SH2D4A: variants seen among roughly 807,000 people sequenced by gnomAD.
The protein encoded by SH2D4A is SH2 domain containing 4A, also known as SH2 domain-containing protein 4A.
A neutral mutation model predicts 64.7 loss-of-function variants in SH2D4A; 70 were observed. The ratio of observed to expected loss-of-function variants is 1.08; its 90% CI spans 0.89 to 1.32. The LOEUF is 1.32. Ranked by LOEUF, SH2D4A falls within the 40% of genes most tolerant of loss-of-function variation. SH2D4A has a pLI of 0.00. For missense variants in SH2D4A, 706 were observed against 540.1 expected (o/e 1.31, Z -3.04); for synonymous variants, 268 against 200.7 (o/e 1.34, Z -2.83).
chr8:19,388,990 A>G (rs1330904413), intron 8 of SH2D4A, among the ~76,000 whole-genome samples: 2 of 152,162 alleles, frequency 1.3e-5, no homozygotes, highest in Non-Finnish European at 2.9e-5. Flanking sequence ...AGATGGAGGT[A>G]AGTACAGGTG....
intron 3 of SH2D4A, among the ~76,000 whole-genome samples, chr8:19,333,453 G>A (rs754050051): frequency 3.9e-5 from 6 of 152,106 alleles, no homozygotes; most frequent in Admixed American, 1.3e-4. Flanking sequence ...GTGATCACCC[G>A]TGGCTGCACT....
chr8:19,364,181 G>A lies in SH2D4A; in HGVS notation c.816G>A (p.Arg272=). 1 of 1,614,170 alleles carries A rather than the reference G, an allele frequency of 6.2e-7. No homozygotes were observed. Among genetic ancestry groups the A allele is most frequent in the Non-Finnish European group, 8.5e-7 (1 of 1,180,008 alleles). Residue 272 remains arginine (R), a synonymous_variant, in exon 7 of 10, where the codon AGG becomes AGA. Coordinates refer to ENST00000265807, the MANE Select transcript of SH2D4A (RefSeq NM_022071.4). ...CCCAGAAAGGAAGAGGCGGTGAGAG[G>A]CTGCAAAGCCCCTTGCGTGTTCCGC... ...LGAQKGRGGE[R]LQSPLRVPQK... is the part of the protein sequence containing the mutation.
At position 19,318,278 on chromosome 8, in the gene SH2D4A, C is replaced by T. The variant is rs895588253; in HGVS notation, c.-204-1066C>T. ...TTTTTTTTCTTATATCTTATTACAT[C>T]GAATCCAAAGTCTTTTGTTTTCCAG... On this transcript the variant is annotated intron_variant, in intron 1 of 9. Transcript: ENST00000265807. Among the ~76,000 whole-genome samples the T allele has an allele frequency of 5.9e-5, 9 of 152,104 alleles. No individual in the cohort carries two copies. The South Asian group carries it at 1.2e-3, about 21-fold the overall frequency.
intron 8 of SH2D4A, among the ~76,000 whole-genome samples, chr8:19,376,325 T>G (rs2053194818): frequency 6.6e-6 from 1 of 152,038 alleles, no homozygotes; most frequent in Non-Finnish European, 1.5e-5. Flanking sequence ...GTCCTCCCAT[T>G]TAAATCTCAT....
rs79743106 is a variant in SH2D4A at position 19,380,828 on chromosome 8, C to G, written c.1048+7168C>G. ...GTGTGACGTCTTCCTGTTTTTTCTTCTTTTTCGGGAGTGTTTTGATTATTT... is the reference window on the plus strand; with the variant it reads ...GTGTGACGTCTTCCTGTTTTTTCTTGTTTTTCGGGAGTGTTTTGATTATTT... On this transcript the variant is annotated intron_variant, in intron 8 of 9. Coordinates refer to ENST00000265807, the MANE Select transcript of SH2D4A (RefSeq NM_022071.4). Among the ~76,000 whole-genome samples, 933 of 152,146 alleles carry G rather than the reference C, an allele frequency of 6.1e-3. 5 individuals carry two copies. Among genetic ancestry groups the G allele is most frequent in the African/African-American group, 0.022 (897 of 41,532 alleles).
chr8:19,326,530 G>GGA (rs2052282966), intron 2 of SH2D4A, among the ~76,000 whole-genome samples: 1 of 152,200 alleles, frequency 6.6e-6, no homozygotes, highest in Non-Finnish European at 1.5e-5. Flanking sequence ...CTACCTCATA[G>GGA]GAGGCCCTGG....
At chr8:19,379,557 G>T (rs1014773862) in intron 8 of SH2D4A, among the ~76,000 whole-genome samples, 8 of 152,152 alleles carry the variant, frequency 5.3e-5, no homozygotes, top group African/African-American at 1.9e-4. Flanking sequence ...CAGGATTATA[G>T]GGTAATTCTA....
Position 19,319,617 on chromosome 8 carries a change from A to G in SH2D4A, c.70A>G (p.Lys24Glu), listed in dbSNP as rs1334797864. 6.2e-7 allele frequency: 1 copy of G among 1,611,046 alleles called. No homozygotes were observed. The highest frequency in any genetic ancestry group is 1.1e-5 in the South Asian group (1 of 90,162). The change falls in exon 2 of 10, where the codon AAA becomes GAA. Residue 24 changes from lysine to glutamate, a missense_variant. Coordinates refer to ENST00000265807, the MANE Select transcript of SH2D4A (RefSeq NM_022071.4). Reference protein sequence around the residue: ...DLLAELSEEQKQILFFKMREE... With the variant: ...DLLAELSEEQEQILFFKMREE... Reference sequence around the variant, plus strand: ...ACTGGCAGAGCTCAGCGAAGAACAGAAACAGATCCTGTTCTTCAAGATGAG... The same window carrying G: ...ACTGGCAGAGCTCAGCGAAGAACAGGAACAGATCCTGTTCTTCAAGATGAG...
chr8:19,375,253 CTTTAT>C (rs2053173095), intron 8 of SH2D4A: 1 of 152,124 alleles, frequency 6.6e-6, no homozygotes, highest in Non-Finnish European at 1.5e-5. Flanking sequence ...CAGTATACAT[CTTTAT>C]TTTCAGTTTC....
chr8:19,357,263 A>T lies in SH2D4A; in HGVS notation c.574A>T (p.Lys192Ter), dbSNP rs1018455319. Reference sequence around the variant, plus strand: ...GTTGGCAGATTCAATCAATCGTATGAAGGCATATGCATTTCACCAGGTAAA... The same window carrying T: ...GTTGGCAGATTCAATCAATCGTATGTAGGCATATGCATTTCACCAGGTAAA... ...QMLADSINRMKAYAFHQKKES... is the reference protein window; with the variant it reads ...QMLADSINRM The change falls in exon 5 of 10, where the codon AAG (lysine) becomes TAG (stop). Residue 192 changes from lysine to a stop codon, truncating the protein, a stop_gained. Coordinates refer to ENST00000265807, the MANE Select transcript of SH2D4A (RefSeq NM_022071.4). LOFTEE classifies it high-confidence loss of function. 6.8e-6 allele frequency: 11 copies of T among 1,613,674 alleles called. No individual in the cohort carries two copies. In the African/African-American group the frequency reaches 1.3e-4, roughly 20 times the overall value.
At chr8:19,387,813 T>C (rs1041449293) in intron 8 of SH2D4A, among the ~76,000 whole-genome samples, 4 of 152,240 alleles carry the variant, frequency 2.6e-5, no homozygotes, top group African/African-American at 9.6e-5. Context: ...TGCCTCAATA[T>C]GTGCATGTAA....
At chr8:19,372,844 C>CTTT (rs796447159) in intron 7 of SH2D4A, among the ~76,000 whole-genome samples, 1 of 140,944 alleles carries the variant, frequency 7.1e-6, no homozygotes. Flanking sequence ...TATTTCTTTA[C>CTTT]TTTTTTTTTT....
intron 4 of SH2D4A, among the ~76,000 whole-genome samples, chr8:19,352,776 G>T (rs1038615525): frequency 6.6e-6 from 1 of 152,154 alleles, no homozygotes; most frequent in African/African-American, 2.4e-5. Context: ...GGAGGCTGAG[G>T]TGGGAGCGTC....
chr8:19,316,178 G>A (rs756746607), intron 1 of SH2D4A, among the ~76,000 whole-genome samples: 2 of 152,168 alleles, frequency 1.3e-5, no homozygotes, highest in African/African-American at 4.8e-5. Context: ...CATCGTCAAC[G>A]GCCTGACCAC....
At chr8:19,355,177 C>T (rs2052772611) in intron 4 of SH2D4A, among the ~76,000 whole-genome samples, 1 of 152,098 alleles carries the variant, frequency 6.6e-6, no homozygotes, top group Admixed American at 6.5e-5. Flanking sequence ...GAAGGGTTAC[C>T]TGCCTCCTAA....
intron 2 of SH2D4A, among the ~76,000 whole-genome samples, chr8:19,320,872 A>C (rs1388166522): frequency 1.3e-5 from 2 of 152,178 alleles, no homozygotes; most frequent in Non-Finnish European, 2.9e-5. Context: ...AAAATTTTGT[A>C]AAATCACATA....
At chr8:19,386,506 A>G (rs887884600) in intron 8 of SH2D4A, among the ~76,000 whole-genome samples, 15 of 152,238 alleles carry the variant, frequency 9.9e-5, no homozygotes, top group African/African-American at 3.6e-4. Context: ...TCCTGACACT[A>G]TCAGAGGATG....
At chr8:19,367,885 G>A (rs965005959) in intron 7 of SH2D4A, among the ~76,000 whole-genome samples, 1 of 152,100 alleles carries the variant, frequency 6.6e-6, no homozygotes, top group African/African-American at 2.4e-5. Context: ...AGAGAAGCCT[G>A]AGCAACATAG....
intron 8 of SH2D4A, among the ~76,000 whole-genome samples, chr8:19,379,182 C>T (rs532059228): frequency 5.3e-5 from 8 of 152,262 alleles, no homozygotes; most frequent in African/African-American, 1.9e-4. Flanking sequence ...CCATTCACCA[C>T]CAACCCCCAG....
Sources: gnomAD v4.1 joint callset for allele counts (sites outside exome capture counted in the v4.1 genomes callset) on GRCh38, gnomAD v4.1.1 for gene constraint, MANE v1.5 for transcripts, NCBI Gene and HGNC (gene_info 2026-07-23, HGNC 2026-07-21) for gene names.